Variants in USH2A observed in about 807,000 individuals in gnomAD.
USH2A encodes the protein usherin.
USH2A carries 443 observed loss-of-function variants against 538.9 expected under a neutral mutation model. That is an observed-to-expected ratio of 0.82 (90% CI 0.76 to 0.89). The LOEUF (loss-of-function observed/expected upper bound fraction) is 0.89, where lower values mean the gene tolerates loss of function less well. Among genes scored for constraint, USH2A ranks in the 40% least tolerant of loss-of-function variants. The pLI is 0.00. For synonymous variants in USH2A, 2,413 were observed against 2,273.5 expected (o/e 1.06, Z -1.75); for missense variants, 6,633 against 6,324.8 (o/e 1.05, Z -1.65).
At chr1:215,714,047 AAGTGCCCATAAT>A (rs1256553753) in intron 61 of USH2A, among the ~76,000 whole-genome samples, 29 of 152,316 alleles carry the variant, frequency 1.9e-4, no homozygotes, top group African/African-American at 7.0e-4. Context: ...GGCATGTGTA[AAGTGCCCATAAT>A]ATGTTTTATG....
chr1:215,855,633 A>T (rs1203004451), intron 44 of USH2A, among the ~76,000 whole-genome samples: 2 of 152,162 alleles, frequency 1.3e-5, no homozygotes, highest in Non-Finnish European at 2.9e-5. Context: ...ATTCCCATCA[A>T]TGCAATTCCC....
In USH2A at chr1:216,078,189, C is replaced by T. The variant is rs775206984; in HGVS notation, c.5472G>A (p.Ser1824=). The T allele has an allele frequency of 1.2e-5, 19 of 1,613,640 alleles. No individual in the cohort carries two copies. In the Middle Eastern group the frequency reaches 4.9e-4, roughly 42 times the overall value. ...CCACCAGTGGCTGGTCTCCGGACTC[C>T]GATGCATGCTTCATCAGTCCATTCA... The part of the protein sequence containing the change: ...ASVNGLMKHA[S]ESGDQPLVVN... Residue 1824 remains serine, a synonymous_variant, in exon 27 of 72, where the codon TCG becomes TCA. Transcript: ENST00000307340.
chr1:216,006,988 C>G (rs1668408196), intron 32 of USH2A, among the ~76,000 whole-genome samples: 1 of 152,152 alleles, frequency 6.6e-6, no homozygotes, highest in African/African-American at 2.4e-5. Flanking sequence ...GTGGGAGGGA[C>G]CCGGTGGGAG....
At chr1:216,356,657 C>T (rs1305119449) in intron 4 of USH2A, among the ~76,000 whole-genome samples, 1 of 151,926 alleles carries the variant, frequency 6.6e-6, no homozygotes, top group Non-Finnish European at 1.5e-5. Flanking sequence ...TATTTCATTC[C>T]TCTTGATGGT....
At chr1:215,860,314 A>T (rs1664282688) in intron 44 of USH2A, among the ~76,000 whole-genome samples, 1 of 152,302 alleles carries the variant, frequency 6.6e-6, no homozygotes, top group East Asian at 1.9e-4. Flanking sequence ...TCTACATTAG[A>T]GGTCAGCAAG....
chr1:216,085,841 C>T, intron 24 of USH2A, among the ~76,000 whole-genome samples: 1 of 152,042 alleles, frequency 6.6e-6, no homozygotes, highest in East Asian at 1.9e-4. Context: ...TATAATCAGC[C>T]TTGAGGATTC....
At chr1:215,992,872 C>T in intron 35 of USH2A, 148 bp downstream of exon 35, 1 of 1,359,504 alleles carries the variant, frequency 7.4e-7, no homozygotes. Context: ...CCACAATCTC[C>T]CCAACTAGAG....
chr1:215,929,567 T>A (rs1666313701), intron 38 of USH2A, among the ~76,000 whole-genome samples: 1 of 152,170 alleles, frequency 6.6e-6, no homozygotes, highest in Middle Eastern at 3.4e-3. Context: ...TTACTTTTTC[T>A]ATAGGGCATT....
intron 61 of USH2A, among the ~76,000 whole-genome samples, chr1:215,685,192 T>C (rs1658377192): frequency 6.6e-6 from 1 of 152,076 alleles, no homozygotes; most frequent in Non-Finnish European, 1.5e-5. Context: ...AATATTTTTC[T>C]AGATTTTTGA....
intron 18 of USH2A, 99 bp from the exon 19 acceptor site, chr1:216,196,821 T>A: frequency 7.4e-7 from 1 of 1,353,306 alleles, no homozygotes; most frequent in Non-Finnish European, 1.0e-6. Context: ...CTGAAATACC[T>A]TTACCTTTTA....
chr1:216,100,656 G>A (rs1407260358), intron 21 of USH2A, among the ~76,000 whole-genome samples: 1 of 152,102 alleles, frequency 6.6e-6, no homozygotes, highest in Non-Finnish European at 1.5e-5. Context: ...GCAGTAGAGA[G>A]GAGAATAAAA....
chr1:215,721,375 T>G (rs1659656404), intron 61 of USH2A, among the ~76,000 whole-genome samples: 1 of 152,146 alleles, frequency 6.6e-6, no homozygotes, highest in Non-Finnish European at 1.5e-5. Context: ...GCCCCCAGTC[T>G]AGACTGAAGT....
At chr1:216,410,147 AGAT>A (rs748567217) in intron 3 of USH2A, among the ~76,000 whole-genome samples, 11,168 of 152,182 alleles carry the variant, frequency 0.073, 1,115 homozygotes, top group African/African-American at 0.23. Context: ...CCACAATGAA[AGAT>A]ACCATCTCAC....
At chr1:215,843,203 T>C (rs968479652) in intron 46 of USH2A, among the ~76,000 whole-genome samples, 1 of 152,170 alleles carries the variant, frequency 6.6e-6, no homozygotes, top group African/African-American at 2.4e-5. Flanking sequence ...GTAAAAAGTT[T>C]CTGTGGTCAT....
chr1:216,395,359 C>A, intron 3 of USH2A, among the ~76,000 whole-genome samples: 1 of 152,134 alleles, frequency 6.6e-6, no homozygotes, highest in Non-Finnish European at 1.5e-5. Context: ...TATATTTTAT[C>A]TTTGAAATTC....
intron 50 of USH2A, among the ~76,000 whole-genome samples, chr1:215,794,216 A>G (rs1248595690): frequency 6.6e-6 from 1 of 152,200 alleles, no homozygotes; most frequent in Non-Finnish European, 1.5e-5. Flanking sequence ...TAAAATACAT[A>G]TTGACAAAGA....
chr1:216,182,825 G>T (rs1017747674), intron 20 of USH2A, among the ~76,000 whole-genome samples: 1 of 151,996 alleles, frequency 6.6e-6, no homozygotes, highest in Non-Finnish European at 1.5e-5. Flanking sequence ...TTTTCCAAAA[G>T]CTGCCAGATC....
At chr1:216,306,697 G>T (rs2037323096) in intron 9 of USH2A, among the ~76,000 whole-genome samples, 1 of 152,208 alleles carries the variant, frequency 6.6e-6, no homozygotes, top group Admixed American at 6.5e-5. Flanking sequence ...TTCCCACAGG[G>T]TGCTCCCCAG....
chr1:216,086,946 C>T lies in USH2A; in HGVS notation c.4886-126G>A, dbSNP rs781154319. 52 of 719,380 alleles carry T rather than the reference C, an allele frequency of 7.2e-5. 1 individual carries two copies. In the Middle Eastern group the frequency reaches 1.0e-3, roughly 15 times the overall value. The allele number at this position is 719,380 out of a possible 1,614,324, so 44.6% of individuals were successfully genotyped here. A position where few individuals can be genotyped will look rare whatever the true frequency, so the allele number is the denominator to read the frequency against. The stretch of plus-strand genomic sequence containing the variant: ...TCTTGGTTTTCCTCTCTCCTCATTG[C>T]CTGTTCATTACTTTTCTTCACTGGC... On this transcript the variant is annotated intron_variant, in intron 23 of 71. Coordinates refer to ENST00000307340, the MANE Select transcript of USH2A (RefSeq NM_206933.4).
Sources: allele counts gnomAD v4.1 joint callset (sites outside exome capture counted in the v4.1 genomes callset), GRCh38; gene constraint gnomAD v4.1.1; transcripts MANE v1.5; gene names NCBI Gene and HGNC (gene_info 2026-07-23, HGNC 2026-07-21).